Variants in ZNF385D observed in about 807,000 individuals in gnomAD.
ZNF385D encodes the protein zinc finger protein 385D, also known as zinc finger protein 659.
In ZNF385D, 15 loss-of-function variants were observed where a neutral mutation model predicts 35.8. That is an observed-to-expected ratio of 0.42 (90% CI 0.28 to 0.64). The LOEUF is 0.64. Ranked by LOEUF, ZNF385D falls within the 30% of genes least tolerant of loss-of-function variation. The pLI, the probability that ZNF385D is intolerant of heterozygous loss-of-function variation, is 0.23. For synonymous variants in ZNF385D, 212 were observed against 186.8 expected (o/e 1.13, Z -1.10); for missense variants, 474 against 494.6 (o/e 0.96, Z 0.39).
intron 3 of ZNF385D, among the ~76,000 whole-genome samples, chr3:22,124,429 T>A (rs1463847038): frequency 1.3e-5 from 2 of 152,172 alleles, no homozygotes; most frequent in Non-Finnish European, 2.9e-5. Context: ...ATTTCCTTTT[T>A]AGGGTATACA....
At chr3:22,197,771 G>A (rs560455972) in intron 2 of ZNF385D, among the ~76,000 whole-genome samples, 24 of 152,178 alleles carry the variant, frequency 1.6e-4, no homozygotes, top group South Asian at 4.1e-4. Flanking sequence ...GCATGGTTTA[G>A]GATAAGACAA....
At chr3:21,948,042 A>C (rs536084937) in intron 3 of ZNF385D, among the ~76,000 whole-genome samples, 126 of 152,214 alleles carry the variant, frequency 8.3e-4, no homozygotes, top group Middle Eastern at 3.4e-3. Flanking sequence ...ATATAAATTT[A>C]TGTCTGATTC....
rs115572950 is a variant in ZNF385D at position 22,071,348 on chromosome 3, G to C, written c.325+97469C>G. Among the ~76,000 whole-genome samples, 771 of 152,204 alleles carry C rather than the reference G, an allele frequency of 5.1e-3. 11 individuals are homozygous for C. Among genetic ancestry groups the C allele is most frequent in the African/African-American group, 0.017 (715 of 41,542 alleles). ...CAGCAACCTATCTAAACAGTGAAGA[G>C]CCTAATATTTTTCCCAAAGCAAGAA... is the stretch of plus-strand genomic sequence containing the variant. On this transcript the variant is annotated intron_variant, in intron 3 of 5. Transcript: ENST00000494108.
chr3:21,588,118 G>A (rs939114177), intron 2 of ZNF385D, among the ~76,000 whole-genome samples: 19 of 152,082 alleles, frequency 1.2e-4, no homozygotes, highest in Non-Finnish European at 2.5e-4. Context: ...GATGACAAAT[G>A]TATGTAGAGA....
At chr3:21,603,592 C>T (rs2064384261) in intron 2 of ZNF385D, among the ~76,000 whole-genome samples, 1 of 152,138 alleles carries the variant, frequency 6.6e-6, no homozygotes, top group Non-Finnish European at 1.5e-5. Flanking sequence ...AAACAAGTGA[C>T]AACTGCAAAG....
intron 3 of ZNF385D, among the ~76,000 whole-genome samples, chr3:21,912,458 A>C (rs913610166): frequency 1.3e-5 from 2 of 152,074 alleles, no homozygotes; most frequent in African/African-American, 2.4e-5. Context: ...TGGTAAAGGT[A>C]AAGTGTTCTT....
chr3:22,050,817 G>A (rs1473907956), intron 3 of ZNF385D, among the ~76,000 whole-genome samples: 1 of 152,136 alleles, frequency 6.6e-6, no homozygotes, highest in African/African-American at 2.4e-5. Flanking sequence ...ACGAATATCT[G>A]TTCCTGACTT....
At chr3:22,318,842 T>C (rs1704043403) in intron 2 of ZNF385D, among the ~76,000 whole-genome samples, 1 of 152,136 alleles carries the variant, frequency 6.6e-6, no homozygotes. Flanking sequence ...GAAGTCATGA[T>C]GAATATAAAG....
chr3:22,250,750 C>T (rs561239935), intron 2 of ZNF385D, among the ~76,000 whole-genome samples: 2 of 152,172 alleles, frequency 1.3e-5, no homozygotes, highest in East Asian at 1.9e-4. Context: ...AATAACACTG[C>T]ATGACAGAGC....
chr3:22,142,910 A>G (rs536125696), intron 3 of ZNF385D, among the ~76,000 whole-genome samples: 6 of 152,210 alleles, frequency 3.9e-5, no homozygotes, highest in South Asian at 2.1e-4. Context: ...AACCCTCACT[A>G]TTAACAGTCC....
intron 3 of ZNF385D, among the ~76,000 whole-genome samples, chr3:21,825,078 G>C (rs1694512096): frequency 6.6e-6 from 1 of 152,092 alleles, no homozygotes. Context: ...GTAATTATCA[G>C]TACCATATAA....
rs1028681512 is a variant in ZNF385D at position 21,415,050 on chromosome 3, C to G, written c.*6164G>C. 9.9e-5 allele frequency: 15 copies of G among 151,912 alleles called. No homozygotes were observed. The highest frequency in any genetic ancestry group is 3.4e-4 in the African/African-American group (14 of 41,374). The allele number at this position is 151,912 out of a possible 1,614,324, so 9.4% of individuals were successfully genotyped here. A position where few individuals can be genotyped will look rare whatever the true frequency, so the allele number is the denominator to read the frequency against. On this transcript the variant is annotated 3_prime_UTR_variant, in exon 8 of 8. Transcript: ENST00000281523. ...TGGGTTGACAAACGTCCAATAAAAC[C>G]CATATCATTATTTTGGTTAACAAAA... is the stretch of plus-strand genomic sequence containing the variant.
intron 3 of ZNF385D, among the ~76,000 whole-genome samples, chr3:21,530,284 A>C (rs529763048): frequency 6.6e-6 from 1 of 152,316 alleles, no homozygotes; most frequent in South Asian, 2.1e-4. Context: ...GTATTTCTTC[A>C]CAGCAATGCA....
At chr3:21,509,036 G>A (rs1000911481) in intron 4 of ZNF385D, among the ~76,000 whole-genome samples, 1 of 150,608 alleles carries the variant, frequency 6.6e-6, no homozygotes, top group African/African-American at 2.4e-5. Flanking sequence ...GGAGTGCAGT[G>A]GCACAATCTC....
intron 3 of ZNF385D, among the ~76,000 whole-genome samples, chr3:21,563,918 C>T (rs1039051109): frequency 8.6e-5 from 13 of 152,026 alleles, no homozygotes; most frequent in African/African-American, 3.1e-4. Flanking sequence ...ATCCAGAGTC[C>T]ACCCTAGTCC....
Position 22,171,071 on chromosome 3 carries a change from C to G in ZNF385D, c.107-2036G>C, listed in dbSNP as rs377746663. Among the ~76,000 whole-genome samples, 5 of 152,176 alleles carry G rather than the reference C, an allele frequency of 3.3e-5. No homozygotes were observed. The South Asian group carries it at 6.2e-4, about 19-fold the overall frequency. ...TTAGAGTTGGCTTGGTTTCCTTTAG[C>G]ATTTCTGTATTTAAAAAATTGCACA... On this transcript the variant is annotated intron_variant, in intron 2 of 5. Coordinates refer to the ZNF385D transcript ENST00000494108.
At chr3:21,965,985 T>C (rs984248656) in intron 3 of ZNF385D, among the ~76,000 whole-genome samples, 9 of 152,204 alleles carry the variant, frequency 5.9e-5, no homozygotes, top group Middle Eastern at 3.2e-3. Context: ...TTTGAAATTA[T>C]AGAAAATGAA....
intron 3 of ZNF385D, among the ~76,000 whole-genome samples, chr3:22,136,186 C>A (rs1239500435): frequency 2.6e-5 from 4 of 152,078 alleles, no homozygotes; most frequent in Non-Finnish European, 5.9e-5. Flanking sequence ...GAGTTTGAGA[C>A]CAGCCTGGGA....
chr3:22,097,289 G>T lies in ZNF385D; in HGVS notation c.325+71528C>A, dbSNP rs542009598. Among the ~76,000 whole-genome samples, 15 of 152,168 alleles carry T rather than the reference G, an allele frequency of 9.9e-5. No homozygotes were observed. The South Asian group carries it at 3.1e-3, about 32-fold the overall frequency. ...CTGAACTGGAATTTGATACCTGGAG[G>T]TTTGATGCTTCCATAATAAAAACCT... is the stretch of plus-strand genomic sequence containing the variant. On this transcript the variant is annotated intron_variant, in intron 3 of 5. Transcript: ENST00000494108.
Sources: gnomAD v4.1 joint callset for allele counts (sites outside exome capture counted in the v4.1 genomes callset) on GRCh38, gnomAD v4.1.1 for gene constraint, MANE v1.5 for transcripts, NCBI Gene and HGNC (gene_info 2026-07-23, HGNC 2026-07-21) for gene names.